BMPER: variants seen among roughly 807,000 people sequenced by gnomAD.
BMPER encodes the protein BMP-binding endothelial regulator protein.
BMPER carries 45 observed loss-of-function variants against 87.3 expected under a neutral mutation model. The observed-to-expected ratio is 0.52, with a 90% CI of 0.41 to 0.66. The LOEUF (loss-of-function observed/expected upper bound fraction) is 0.66, where lower values mean the gene tolerates loss of function less well. Ranked by LOEUF, BMPER falls within the 30% of genes least tolerant of loss-of-function variation. BMPER has a pLI of 0.00. For missense variants in BMPER, 784 were observed against 867.5 expected (o/e 0.90, Z 1.21); for synonymous variants, 326 against 316.2 (o/e 1.03, Z -0.33).
chr7:34,119,697 A>G (rs1430628715), intron 13 of BMPER, among the ~76,000 whole-genome samples: 1 of 152,218 alleles, frequency 6.6e-6, no homozygotes, highest in Non-Finnish European at 1.5e-5. Flanking sequence ...GAAAACTTCA[A>G]AAGATGAAAG....
At chr7:33,918,144 A>C (rs1784131348) in intron 2 of BMPER, among the ~76,000 whole-genome samples, 1 of 152,138 alleles carries the variant, frequency 6.6e-6, no homozygotes, top group African/African-American at 2.4e-5. Flanking sequence ...CCTGGCTAGG[A>C]TCTTGATCTT....
intron 6 of BMPER, among the ~76,000 whole-genome samples, chr7:34,006,547 AT>A (rs1456486108): frequency 2.6e-5 from 4 of 152,170 alleles, no homozygotes; most frequent in Non-Finnish European, 4.4e-5. Context: ...AAAATTGCTA[AT>A]TTTTTATATT....
intron 5 of BMPER, among the ~76,000 whole-genome samples, chr7:33,972,615 G>GT (rs1259740452): frequency 2.6e-5 from 4 of 151,966 alleles, no homozygotes; most frequent in Non-Finnish European, 5.9e-5. Context: ...CAAAGGTGAG[G>GT]TTGGGATCTG....
At chr7:34,024,406 TATATATATATATATATATATATATATATG>T (rs1787300796) in intron 6 of BMPER, among the ~76,000 whole-genome samples, 2 of 43,368 alleles carry the variant, frequency 4.6e-5, no homozygotes, top group Admixed American at 2.8e-4. Context: ...TATATATATA[TATATATATATATATATATATATATATATG>T]TTGGGGAGGG....
At chr7:34,148,688 T>C (rs775841954) in intron 14 of BMPER, among the ~76,000 whole-genome samples, 5 of 152,152 alleles carry the variant, frequency 3.3e-5, no homozygotes, top group Non-Finnish European at 7.4e-5. Context: ...CAGTCCTTAA[T>C]AGTAGAAAGG....
chr7:33,953,237 G>T (rs924951409), intron 3 of BMPER, among the ~76,000 whole-genome samples: 6 of 152,222 alleles, frequency 3.9e-5, no homozygotes, highest in African/African-American at 1.4e-4. Flanking sequence ...CCACACAGAG[G>T]AGCTGAAGGC....
intron 6 of BMPER, among the ~76,000 whole-genome samples, chr7:34,016,899 ATGT>A (rs1312424060): frequency 1.3e-5 from 2 of 152,080 alleles, no homozygotes; most frequent in African/African-American, 4.8e-5. Context: ...GTGTTAGTCA[ATGT>A]TGTTGTTGTT....
At chr7:34,036,068 T>C (rs780379900) in intron 6 of BMPER, among the ~76,000 whole-genome samples, 2 of 152,178 alleles carry the variant, frequency 1.3e-5, no homozygotes, top group Non-Finnish European at 1.5e-5. Context: ...TCCTGCATAA[T>C]GGTGTTATTT....
chr7:34,072,785 T>A (rs573338222), intron 11 of BMPER, among the ~76,000 whole-genome samples: 3 of 152,322 alleles, frequency 2.0e-5, no homozygotes, highest in African/African-American at 4.8e-5. Flanking sequence ...TAGAGGTAAG[T>A]TCTTTTCCCA....
At chr7:33,999,859 CT>C (rs1786530794) in intron 6 of BMPER, among the ~76,000 whole-genome samples, 1 of 152,230 alleles carries the variant, frequency 6.6e-6, no homozygotes, top group Admixed American at 6.5e-5. Context: ...TCAATTCCTT[CT>C]GTTAAATACC....
Position 33,916,583 on chromosome 7 carries a change from C to T in BMPER, c.219+9680C>T, listed in dbSNP as rs566423049. On this transcript the variant is annotated intron_variant, in intron 2 of 14. Coordinates refer to ENST00000649409, the MANE Select transcript of BMPER (RefSeq NM_001365308.1). ...GTGACTGGATTTGGACATGTGGGCC[C>T]TGCACATTCATACAGCCTTCTGTGC... Among the ~76,000 whole-genome samples the T allele has an allele frequency of 7.8e-4, 119 of 152,234 alleles. 1 individual carries two copies. The highest frequency in any genetic ancestry group is 1.0e-3 in the Non-Finnish European group (68 of 68,044).
intron 2 of BMPER, among the ~76,000 whole-genome samples, chr7:33,936,311 G>A (rs1784600850): frequency 6.6e-6 from 1 of 152,176 alleles, no homozygotes; most frequent in African/African-American, 2.4e-5. Flanking sequence ...AGTGCTTGCT[G>A]TTATCCAGGG....
chr7:34,079,118 TC>T lies in BMPER; in HGVS notation c.1344del (p.Cys449AlafsTer15). 1 of 1,613,770 alleles carries T rather than the reference TC, an allele frequency of 6.2e-7. No individual in the cohort carries two copies. Among genetic ancestry groups the T allele is most frequent in the Admixed American group, 1.7e-5 (1 of 60,010 alleles). ...TVRWNGSRIA[L>X]PCRAPHFHID... ...CGCTGGAACGGCTCGCGCATCGCGCTCCCCTGCCGCGCGCCACACTTCCACA... is the reference window on the plus strand; with the variant it reads ...CGCTGGAACGGCTCGCGCATCGCGCTCCCTGCCGCGCGCCACACTTCCACA... On this transcript the variant is annotated frameshift_variant, in exon 12 of 15. Transcript: ENST00000649409. LOFTEE classifies it high-confidence loss of function.
At chr7:34,066,850 G>A (rs866278728) in intron 11 of BMPER, among the ~76,000 whole-genome samples, 6 of 152,162 alleles carry the variant, frequency 3.9e-5, no homozygotes, top group South Asian at 4.1e-4. Flanking sequence ...GGAGGGAGGG[G>A]CAGAGAGAGA....
chr7:34,016,780 C>T (rs1787037249), intron 6 of BMPER, among the ~76,000 whole-genome samples: 1 of 151,816 alleles, frequency 6.6e-6, no homozygotes, highest in Non-Finnish European at 1.5e-5. Context: ...CCTGACAAAC[C>T]CATTTTTCCA....
chr7:34,024,401 A>C (rs1787299133), intron 6 of BMPER, among the ~76,000 whole-genome samples: 20 of 29,650 alleles, frequency 6.7e-4, no homozygotes, highest in African/African-American at 1.4e-3. Flanking sequence ...ATATATATAT[A>C]TATATATATA....
intron 6 of BMPER, among the ~76,000 whole-genome samples, chr7:34,004,962 CT>C (rs767808330): frequency 6.6e-6 from 1 of 152,128 alleles, no homozygotes; most frequent in Non-Finnish European, 1.5e-5. Context: ...TCAAAGCCCC[CT>C]ATAGACATCC....
chr7:34,000,223 T>C (rs1255916951), intron 6 of BMPER, among the ~76,000 whole-genome samples: 1 of 152,204 alleles, frequency 6.6e-6, no homozygotes, highest in Non-Finnish European at 1.5e-5. Flanking sequence ...TCTAGTGTCC[T>C]TGTGACTCTG....
intron 9 of BMPER, among the ~76,000 whole-genome samples, chr7:34,055,754 A>C (rs1020952465): frequency 2.6e-5 from 4 of 152,328 alleles, no homozygotes; most frequent in Middle Eastern, 3.4e-3. Context: ...AAGGATGTTA[A>C]TAGTGTATGT....
Sources: allele counts gnomAD v4.1 joint callset (sites outside exome capture counted in the v4.1 genomes callset), GRCh38; gene constraint gnomAD v4.1.1; transcripts MANE v1.5; gene names NCBI Gene and HGNC (gene_info 2026-07-23, HGNC 2026-07-21).